Variants in EXD3 observed in about 807,000 individuals in gnomAD.
The protein encoded by EXD3 is exonuclease mut-7 homolog.
EXD3 carries 92 observed loss-of-function variants against 98.0 expected under a neutral mutation model. The observed-to-expected ratio is 0.94, with a 90% CI of 0.79 to 1.12. EXD3 has a LOEUF of 1.12. Among genes scored for constraint, EXD3 ranks in the 50% most tolerant of loss-of-function variants. The probability of loss-of-function intolerance (pLI) is 0.00; values close to 1 mark genes in which losing one functional copy is unlikely to be tolerated. For synonymous variants in EXD3, 569 were observed against 526.0 expected (o/e 1.08, Z -1.12); for missense variants, 1,222 against 1,191.6 (o/e 1.03, Z -0.38).
chr9:137,386,990 C>T (rs1466396285), intron 2 of EXD3, among the ~76,000 whole-genome samples: 2 of 138,964 alleles, frequency 1.4e-5, no homozygotes, highest in Non-Finnish European at 3.1e-5. Flanking sequence ...CTGCCTCCCT[C>T]AGCACCCCCG....
chr9:137,335,345 C>T (rs1833299015), intron 17 of EXD3, among the ~76,000 whole-genome samples: 2 of 152,114 alleles, frequency 1.3e-5, no homozygotes, highest in South Asian at 4.1e-4. Context: ...ATTAAAACCA[C>T]AATGAGATAC....
At chr9:137,348,339 T>C (rs1408447963) in intron 16 of EXD3, 101 bp from the exon 17 acceptor site, 1 of 1,270,352 alleles carries the variant, frequency 7.9e-7, no homozygotes, top group African/African-American at 1.5e-5. Context: ...ACTCTGTCTC[T>C]GTTTTATCTT....
intron 19 of EXD3, among the ~76,000 whole-genome samples, chr9:137,318,368 C>A (rs1397002079): frequency 6.6e-6 from 1 of 152,096 alleles, no homozygotes; most frequent in African/African-American, 2.4e-5. Context: ...CCCGGGAGCC[C>A]TCGGAGGCAG....
chr9:137,391,464 G>A (rs985173936), intron 2 of EXD3, among the ~76,000 whole-genome samples: 11 of 152,222 alleles, frequency 7.2e-5, no homozygotes, highest in African/African-American at 2.7e-4. Flanking sequence ...CCATTGTCCG[G>A]AGCCCAGCAA....
At chr9:137,364,219 G>A (rs11507681) in intron 7 of EXD3, among the ~76,000 whole-genome samples, 20,745 of 152,062 alleles carry the variant, frequency 0.14, 2,204 homozygotes, top group African/African-American at 0.26. Context: ...TTCTTTCAGC[G>A]GAGAATGGCA....
chr9:137,347,185 AG>A lies in EXD3; in HGVS notation c.1998+885del, dbSNP rs1833981540. On this transcript the variant is annotated intron_variant, in intron 17 of 21. Transcript: ENST00000340951. The surrounding 1 kb of genome is among the most constrained non-coding windows in gnomAD (Gnocchi z 4.2). ...TTACAACATAGTTCTGTGGAAGTCC[AG>A]AAGTCCGGTGGACTCAACCAGGTTC... is the stretch of plus-strand genomic sequence containing the variant. Among the ~76,000 whole-genome samples, 1 of 152,204 alleles carries A rather than the reference AG, an allele frequency of 6.6e-6. No homozygotes were observed. Among genetic ancestry groups the A allele is most frequent in the Non-Finnish European group, 1.5e-5 (1 of 68,026 alleles).
At chr9:137,354,584 A>C (rs2119240409) in intron 9 of EXD3, 116 bp downstream of exon 9, 1 of 1,549,552 alleles carries the variant, frequency 6.5e-7, no homozygotes, top group Non-Finnish European at 8.7e-7. Context: ...TGGGGCAAGA[A>C]GCAGCTCCTA....
chr9:137,341,011 G>C (rs1234642350), intron 17 of EXD3, among the ~76,000 whole-genome samples: 4 of 152,200 alleles, frequency 2.6e-5, no homozygotes, highest in Non-Finnish European at 5.9e-5. Flanking sequence ...AGACATCGTG[G>C]CATCACGTAA....
chr9:137,353,520 G>C, intron 10 of EXD3: 6 of 986,856 alleles, frequency 6.1e-6, no homozygotes, highest in Non-Finnish European at 7.2e-6. Flanking sequence ...GGAGCAGACA[G>C]AGGGGTGCCC....
chr9:137,387,545 G>A (rs957881909), intron 2 of EXD3, among the ~76,000 whole-genome samples: 5 of 152,192 alleles, frequency 3.3e-5, no homozygotes, highest in African/African-American at 4.8e-5. Context: ...CTGTCTGAAC[G>A]AAGAAGACAA....
chr9:137,363,121 C>CT (rs1835066495), intron 7 of EXD3, among the ~76,000 whole-genome samples: 1 of 151,994 alleles, frequency 6.6e-6, no homozygotes, highest in East Asian at 1.9e-4. Flanking sequence ...CTCTCATTCT[C>CT]TTAATTCTTT....
intron 17 of EXD3, among the ~76,000 whole-genome samples, chr9:137,342,885 G>A (rs1457239594): frequency 2.0e-5 from 3 of 152,202 alleles, no homozygotes; most frequent in African/African-American, 7.2e-5. Flanking sequence ...ACTTTGGGAG[G>A]CCGAGGCAGG....
chr9:137,373,352 G>C lies in EXD3; in HGVS notation c.294+74C>G, dbSNP rs542428330. ...GAGCGGGCTGCAAAGGCCTGGGCAG[G>C]TGGATGCCGGGTCCACTATGCTGAG... is the stretch of plus-strand genomic sequence containing the variant. On this transcript the variant is annotated intron_variant, in intron 4 of 21. Transcript: ENST00000340951. The C allele has an allele frequency of 5.2e-6, 8 of 1,528,276 alleles. No individual in the cohort carries two copies. In the East Asian group the frequency reaches 1.9e-4, roughly 35 times the overall value. The allele number at this position is 1,528,276 out of a possible 1,614,324, so 94.7% of individuals were successfully genotyped here.
rs1185001284 is a variant in EXD3, at chr9:137,349,510, C to A, written c.1516G>T (p.Ala506Ser). ...TCCCTGGCCCTGTCCACGGCTGGGG[C>A]TGGCACGCTCGCCACCCGCATCTGC... is the stretch of plus-strand genomic sequence containing the variant. ...HRQMRVASVP[A>S]PAVDRARELR... The change falls in exon 15 of 22, where the codon GCC becomes TCC. Residue 506 changes from alanine to serine, a missense_variant. By Grantham distance (99) the Ala-to-Ser change is moderately conservative. Coordinates refer to ENST00000340951, the MANE Select transcript of EXD3 (RefSeq NM_017820.5). This position sits in a 1 kb window ranked among gnomAD's most constrained non-coding sequence, Gnocchi z 7.4. 8.1e-6 allele frequency: 13 copies of A among 1,596,406 alleles called. No homozygotes were observed. In the East Asian group the frequency reaches 2.9e-4, roughly 36 times the overall value.
intron 1 of EXD3, among the ~76,000 whole-genome samples, chr9:137,404,801 A>C (rs755791534): frequency 1.9e-4 from 29 of 152,112 alleles, no homozygotes; most frequent in Non-Finnish European, 3.8e-4. Context: ...CAGAGGTTGC[A>C]GTGAGCCAAG....
At chr9:137,402,281 G>C (rs1837512102) in intron 1 of EXD3, among the ~76,000 whole-genome samples, 2 of 152,114 alleles carry the variant, frequency 1.3e-5, no homozygotes, top group South Asian at 4.1e-4. Context: ...CCCAAAGTGT[G>C]GGGATTACAG....
intron 3 of EXD3, among the ~76,000 whole-genome samples, chr9:137,377,453 A>G (rs1172063003): frequency 6.6e-6 from 1 of 150,956 alleles, no homozygotes. Flanking sequence ...TCTAAAAAAA[A>G]AAAAAAAAAG....
At chr9:137,420,742 C>CCCA (rs1554743350) in intron 1 of EXD3, among the ~76,000 whole-genome samples, 1 of 147,202 alleles carries the variant, frequency 6.8e-6, no homozygotes, top group Non-Finnish European at 1.5e-5. Flanking sequence ...CATTCACCCC[C>CCCA]CCCCCCAAAT....
intron 1 of EXD3, among the ~76,000 whole-genome samples, chr9:137,409,436 G>C (rs1461032880): frequency 2.0e-5 from 3 of 152,194 alleles, no homozygotes; most frequent in African/African-American, 7.2e-5. Flanking sequence ...CAGAAAACTG[G>C]CCCGGCGTGG....
Sources: allele counts gnomAD v4.1 joint callset (sites outside exome capture counted in the v4.1 genomes callset), GRCh38; gene constraint gnomAD v4.1.1; non-coding constraint Gnocchi (gnomAD v3.1); transcripts MANE v1.5; gene names NCBI Gene and HGNC (gene_info 2026-07-23, HGNC 2026-07-21).